Variants in MLPH observed in about 807,000 individuals in gnomAD.
MLPH encodes exophilin-3.
In MLPH, 51 loss-of-function variants were observed where a neutral mutation model predicts 72.1. The ratio of observed to expected loss-of-function variants is 0.71; its 90% CI spans 0.56 to 0.89. The LOEUF is 0.89. Among genes scored for constraint, MLPH ranks in the 40% least tolerant of loss-of-function variants. The pLI, the probability that MLPH is intolerant of heterozygous loss-of-function variation, is 0.00. For synonymous variants in MLPH, 301 were observed against 310.1 expected (o/e 0.97, Z 0.31); for missense variants, 743 against 759.9 (o/e 0.98, Z 0.26).
In MLPH at chr2:237,505,090, G is replaced by T. The variant is rs1248094248; in HGVS notation, c.111-5484G>T. On this transcript the variant is annotated intron_variant, in intron 2 of 15. Coordinates refer to ENST00000264605, the MANE Select transcript of MLPH (RefSeq NM_024101.7). This position sits in a 1 kb window ranked among gnomAD's most constrained non-coding sequence, Gnocchi z 4.5. Reference sequence around the variant, plus strand: ...ACCCATGCTTTTGGCCAGGCCAGCAGCTGGGCCTTGGGAGAAAGGCTCATG... The same window carrying T: ...ACCCATGCTTTTGGCCAGGCCAGCATCTGGGCCTTGGGAGAAAGGCTCATG... Among the ~76,000 whole-genome samples, 1 of 152,136 alleles carries T rather than the reference G, an allele frequency of 6.6e-6. No individual in the cohort carries two copies. The highest frequency in any genetic ancestry group is 2.4e-5 in the African/African-American group (1 of 41,422).
chr2:237,544,491 G>C (rs1352024520), intron 12 of MLPH, among the ~76,000 whole-genome samples: 1 of 37,448 alleles, frequency 2.7e-5, no homozygotes, highest in African/African-American at 1.2e-4. Flanking sequence ...GAGTGGGGGG[G>C]ACAGTGGTGA....
intron 8 of MLPH, among the ~76,000 whole-genome samples, chr2:237,528,181 G>A (rs1559360940): frequency 6.6e-6 from 1 of 152,094 alleles, no homozygotes; most frequent in Non-Finnish European, 1.5e-5. Context: ...ATGATGAAAG[G>A]AGCCCTGGAG....
At chr2:237,525,060 T>C (rs952205433) in intron 6 of MLPH, among the ~76,000 whole-genome samples, 1 of 152,196 alleles carries the variant, frequency 6.6e-6, no homozygotes, top group Non-Finnish European at 1.5e-5. Context: ...GCATATTGCT[T>C]CTTGAAGCCC....
rs542015390 is a variant in MLPH at position 237,526,763 on chromosome 2, C to T, written c.881-614C>T. On this transcript the variant is annotated intron_variant, in intron 7 of 15. Coordinates refer to ENST00000264605, the MANE Select transcript of MLPH (RefSeq NM_024101.7). ...TCTTTTTACACACCAACCTCTCAAA[C>T]GGGGAGTGTCTTACAGTGAATGTGG... Among the ~76,000 whole-genome samples, 20 of 152,262 alleles carry T rather than the reference C, an allele frequency of 1.3e-4. 1 individual carries two copies. The South Asian group carries it at 3.7e-3, about 28-fold the overall frequency.
intron 1 of MLPH, among the ~76,000 whole-genome samples, chr2:237,491,255 C>T (rs2079423596): frequency 6.6e-6 from 1 of 152,218 alleles, no homozygotes; most frequent in Non-Finnish European, 1.5e-5. Flanking sequence ...CCCCTGAAAG[C>T]ACACAGATTG....
chr2:237,520,615 A>T (rs1444267481), intron 6 of MLPH, among the ~76,000 whole-genome samples: 1 of 152,196 alleles, frequency 6.6e-6, no homozygotes, highest in Non-Finnish European at 1.5e-5. Context: ...GATTAGTGGT[A>T]GTTGCTGGTT....
intron 4 of MLPH, among the ~76,000 whole-genome samples, chr2:237,513,895 G>A (rs907588637): frequency 2.6e-5 from 4 of 152,164 alleles, no homozygotes; most frequent in Admixed American, 6.5e-5. Flanking sequence ...GGCACGTTCG[G>A]AGCCAAAAGC....
intron 6 of MLPH, among the ~76,000 whole-genome samples, chr2:237,523,879 G>A (rs1365312691): frequency 2.6e-5 from 4 of 151,936 alleles, no homozygotes; most frequent in Non-Finnish European, 5.9e-5. Flanking sequence ...TCATCAAGAG[G>A]CTATTTACTG....
At chr2:237,515,221 G>A (rs958820618) in intron 4 of MLPH, among the ~76,000 whole-genome samples, 5 of 152,344 alleles carry the variant, frequency 3.3e-5, no homozygotes, top group Non-Finnish European at 7.4e-5. Context: ...GCACTCGGGG[G>A]CGGATGAAAG....
Position 237,541,097 on chromosome 2 carries a change from A to C in MLPH, c.1446+140A>C. The stretch of plus-strand genomic sequence containing the variant: ...ATTGGCCCAGCATGCACGGCTCTGA[A>C]GGCCAGGCATGAACCTGGGGGTTTC... On this transcript the variant is annotated intron_variant, in intron 11 of 15. Coordinates refer to ENST00000264605, the MANE Select transcript of MLPH (RefSeq NM_024101.7). The surrounding 1 kb of genome is among the most constrained non-coding windows in gnomAD (Gnocchi z 5.1). The C allele has an allele frequency of 1.7e-6, 2 of 1,188,502 alleles. No individual in the cohort carries two copies. Among genetic ancestry groups the C allele is most frequent in the Non-Finnish European group, 2.4e-6 (2 of 821,382 alleles). 73.6% of individuals were successfully genotyped at this position (1,188,502 alleles called of 1,614,324 possible). A position where few individuals can be genotyped will look rare whatever the true frequency, so the allele number is the denominator to read the frequency against.
chr2:237,515,702 A>C (rs962031207), intron 4 of MLPH, among the ~76,000 whole-genome samples: 2 of 152,166 alleles, frequency 1.3e-5, no homozygotes, highest in Non-Finnish European at 2.9e-5. Flanking sequence ...GGCTGGGATT[A>C]ATAGAAACAG....
intron 1 of MLPH, among the ~76,000 whole-genome samples, chr2:237,491,466 T>G (rs1285654007): frequency 6.6e-6 from 1 of 152,262 alleles, no homozygotes; most frequent in Admixed American, 6.5e-5. Context: ...TGGCACAGCC[T>G]GCTGCACACC....
chr2:237,527,437 C>T lies in MLPH; in HGVS notation c.941C>T (p.Ser314Phe). Residue 314 changes from serine to phenylalanine, a missense_variant, in exon 8 of 16, where the codon TCT becomes TTT. Coordinates refer to ENST00000264605, the MANE Select transcript of MLPH (RefSeq NM_024101.7). Reference sequence around the variant, plus strand: ...CAGTACTTGGCCGATGTGGACACCTCTGATGAGGAAAGCATCCGGGCTCAC... The same window carrying T: ...CAGTACTTGGCCGATGTGGACACCTTTGATGAGGAAAGCATCCGGGCTCAC... ...PLQYLADVDT[S>F]DEESIRAHVM... is the part of the protein sequence containing the mutation. 6.2e-7 allele frequency: 1 copy of T among 1,614,220 alleles called. No homozygotes were observed. Among genetic ancestry groups the T allele is most frequent in the Non-Finnish European group, 8.5e-7 (1 of 1,180,044 alleles).
intron 2 of MLPH, among the ~76,000 whole-genome samples, chr2:237,506,288 G>A (rs990794414): frequency 6.6e-6 from 1 of 152,134 alleles, no homozygotes; most frequent in Non-Finnish European, 1.5e-5. Context: ...TATAAAAAAT[G>A]AGATTTTCCC....
At position 237,518,347 on chromosome 2, in the gene MLPH, G is replaced by C. The variant is rs2080097533; in HGVS notation, c.446-192G>C. ...AATAGATGAATAGATTGATAAATAG[G>C]GGGATGGGTGGATTGGTAGATGGGT... is the stretch of plus-strand genomic sequence containing the variant. On this transcript the variant is annotated intron_variant, in intron 4 of 15. Transcript: ENST00000264605. The C allele has an allele frequency of 7.3e-6, 5 of 681,774 alleles. No homozygotes were observed. In the South Asian group the frequency reaches 7.9e-5, roughly 11 times the overall value. The allele number at this position is 681,774 out of a possible 1,614,324, so 42.2% of individuals were successfully genotyped here.
chr2:237,501,257 A>T (rs1053469857), intron 2 of MLPH, among the ~76,000 whole-genome samples: 1 of 152,234 alleles, frequency 6.6e-6, no homozygotes, highest in Middle Eastern at 3.4e-3. Flanking sequence ...CTCTGGGCTC[A>T]CATTGGATGA....
At chr2:237,495,043 C>T (rs2079508014) in intron 2 of MLPH, among the ~76,000 whole-genome samples, 1 of 152,146 alleles carries the variant, frequency 6.6e-6, no homozygotes, top group South Asian at 2.1e-4. Context: ...GTTCTAGAGG[C>T]TTCCTGGATT....
chr2:237,552,328 T>G lies in MLPH; in HGVS notation c.1676-9T>G. 1 of 1,613,452 alleles carries G rather than the reference T, an allele frequency of 6.2e-7. No homozygotes were observed. On this transcript the variant is annotated splice_polypyrimidine_tract_variant and intron_variant, in intron 14 of 15. Transcript: ENST00000264605. Reference sequence around the variant, plus strand: ...TAAAGCACCATCCCTCTTCCTGTTTTCCCCAAAGGTAAAGATGATGATTCT... The same window carrying G: ...TAAAGCACCATCCCTCTTCCTGTTTGCCCCAAAGGTAAAGATGATGATTCT...
In MLPH at chr2:237,527,515, A is replaced by G. The variant is rs1439847903; in HGVS notation, c.1019A>G (p.Gln340Arg). The G allele has an allele frequency of 3.1e-6, 5 of 1,614,012 alleles. No homozygotes were observed. Among genetic ancestry groups the G allele is most frequent in the Admixed American group, 3.3e-5 (2 of 59,994 alleles). ...KRRGRASSES[Q>R]IFELNKHISA... Reference sequence around the variant, plus strand: ...AGAGGCCGGGCGTCTTCTGAGAGTCAGGTAACGGTGGCTGGAAAGACTTCT... The same window carrying G: ...AGAGGCCGGGCGTCTTCTGAGAGTCGGGTAACGGTGGCTGGAAAGACTTCT... Residue 340 changes from glutamine to arginine, a missense_variant and splice_region_variant, in exon 8 of 16, where the codon CAG becomes CGG. Physicochemically the swap from Gln to Arg is conservative, Grantham distance 43. Transcript: ENST00000264605.
Sources: gnomAD v4.1 joint callset for allele counts (sites outside exome capture counted in the v4.1 genomes callset) on GRCh38, gnomAD v4.1.1 for gene constraint, Gnocchi (gnomAD v3.1) non-coding constraint, MANE v1.5 for transcripts, NCBI Gene and HGNC (gene_info 2026-07-23, HGNC 2026-07-21) for gene names.